Variants in CCDC30 observed in about 807,000 individuals in gnomAD.
CCDC30 encodes coiled-coil domain-containing protein 30.
A neutral mutation model predicts 100.2 loss-of-function variants in CCDC30; 70 were observed. The observed-to-expected ratio is 0.70, with a 90% confidence interval of 0.58 to 0.85. The LOEUF (loss-of-function observed/expected upper bound fraction) is 0.85, where lower values mean the gene tolerates loss of function less well. Ranked by LOEUF, CCDC30 falls within the 40% of genes least tolerant of loss-of-function variation. The probability of loss-of-function intolerance (pLI) is 0.00; values close to 1 mark genes in which losing one functional copy is unlikely to be tolerated. For missense variants in CCDC30, 652 were observed against 771.2 expected, an observed-to-expected ratio of 0.85 and a Z score of 1.83; for synonymous variants, 233 against 269.5, an observed-to-expected ratio of 0.86 and a Z score of 1.33.
chr1:42,587,594 G>A (rs1324339), intron 9 of CCDC30, among the ~76,000 whole-genome samples: 2,074 of 152,228 alleles, frequency 0.014, 22 homozygotes, highest in Non-Finnish European at 0.018. Flanking sequence ...GGAGAAGAAC[G>A]AGAGGTGGAG....
chr1:42,641,352 A>C (rs1403729079), intron 12 of CCDC30, among the ~76,000 whole-genome samples: 1 of 151,872 alleles, frequency 6.6e-6, no homozygotes, highest in East Asian at 1.9e-4. Flanking sequence ...TGCTGAGATT[A>C]CAGGTGTGAG....
At chr1:42,550,719 ATTTG>A (rs1645234162) in intron 6 of CCDC30, among the ~76,000 whole-genome samples, 1 of 152,196 alleles carries the variant, frequency 6.6e-6, no homozygotes, top group East Asian at 1.9e-4. Context: ...TAATTATCTT[ATTTG>A]TTTGTGTGTT....
At chr1:42,479,099 G>T (rs978295276) in intron 1 of CCDC30, among the ~76,000 whole-genome samples, 4 of 152,194 alleles carry the variant, frequency 2.6e-5, no homozygotes, top group African/African-American at 4.8e-5. Context: ...TCTTGGGCTG[G>T]ACGCGATGTT....
chr1:42,612,354 A>C (rs1646642227), intron 11 of CCDC30, among the ~76,000 whole-genome samples: 1 of 152,210 alleles, frequency 6.6e-6, no homozygotes, highest in Non-Finnish European at 1.5e-5. Context: ...AAGAATATGC[A>C]TTAGAGCCCA....
intron 11 of CCDC30, among the ~76,000 whole-genome samples, chr1:42,618,909 G>T (rs1440363857): frequency 6.6e-6 from 1 of 152,128 alleles, no homozygotes; most frequent in Non-Finnish European, 1.5e-5. Flanking sequence ...TATTCTGTTG[G>T]CCAGAACTTA....
chr1:42,545,634 T>A, intron 6 of CCDC30, 55 bp downstream of exon 9: 1 of 1,490,362 alleles, frequency 6.7e-7, no homozygotes, highest in Non-Finnish European at 9.1e-7. Flanking sequence ...TATATTTTAT[T>A]TGGCTTGATC....
intron 6 of CCDC30, among the ~76,000 whole-genome samples, chr1:42,507,412 T>C (rs1644411142): frequency 6.6e-6 from 1 of 152,224 alleles, no homozygotes; most frequent in Non-Finnish European, 1.5e-5. Context: ...CCCTTTTGAA[T>C]TTAGTTAAGG....
intron 6 of CCDC30, among the ~76,000 whole-genome samples, chr1:42,540,081 C>T (rs1644982880): frequency 6.6e-6 from 1 of 152,152 alleles, no homozygotes; most frequent in South Asian, 2.1e-4. Flanking sequence ...CTCTTTTGAC[C>T]TAGACTAAAG....
rs191469018 is a variant in CCDC30, at chr1:42,585,002, A to G, written c.1001+3488A>G. The stretch of plus-strand genomic sequence containing the variant: ...TCTTAAATGTTTGGTAGAATTCACC[A>G]TGAAATCATCTGGGCCTAGTGCTTT... On this transcript the variant is annotated intron_variant, in intron 9 of 16. Transcript: ENST00000668663. 2.0e-5 allele frequency among the ~76,000 whole-genome samples: 3 copies of G among 152,348 alleles called. No homozygotes were observed. The East Asian group carries it at 5.8e-4, about 29-fold the overall frequency.
intron 6 of CCDC30, among the ~76,000 whole-genome samples, chr1:42,511,123 C>T (rs984731643): frequency 4.6e-5 from 7 of 151,948 alleles, no homozygotes; most frequent in African/African-American, 1.5e-4. Context: ...GAGGGCATCC[C>T]CCTTACTGTT....
intron 3 of CCDC30, among the ~76,000 whole-genome samples, chr1:42,489,115 G>A (rs988138265): frequency 3.9e-5 from 6 of 152,092 alleles, no homozygotes; most frequent in Non-Finnish European, 7.4e-5. Flanking sequence ...CTTCCATAGA[G>A]GAATACATTT....
At chr1:42,468,677 C>T (rs776814405) in intron 1 of CCDC30, 9 of 152,174 alleles carry the variant, frequency 5.9e-5, no homozygotes, top group Non-Finnish European at 7.3e-5. Flanking sequence ...TGGAGCATAG[C>T]AGAGAGAGAT....
At chr1:42,651,207 C>T (rs1178032656) in intron 15 of CCDC30, among the ~76,000 whole-genome samples, 1 of 151,968 alleles carries the variant, frequency 6.6e-6, no homozygotes, top group African/African-American at 2.4e-5. Flanking sequence ...GCTCAGGGAA[C>T]AAAAACAAAC....
chr1:42,643,495 C>G (rs551306135), intron 13 of CCDC30, among the ~76,000 whole-genome samples: 12 of 152,198 alleles, frequency 7.9e-5, no homozygotes, highest in Non-Finnish European at 8.8e-5. Flanking sequence ...CCATATAAAT[C>G]ATTGCTCTTC....
chr1:42,459,356 GT>G, upstream of CCDC30: 1 of 472,642 alleles, frequency 2.1e-6, no homozygotes, highest in Middle Eastern at 5.7e-4. Context: ...TAGAGACATG[GT>G]TTTGCCATGT....
intron 6 of CCDC30, among the ~76,000 whole-genome samples, chr1:42,532,722 G>T (rs956670807): frequency 6.6e-6 from 1 of 152,146 alleles, no homozygotes; most frequent in Non-Finnish European, 1.5e-5. Context: ...ATGGCTGGTC[G>T]TTATGAGAGC....
intron 6 of CCDC30, among the ~76,000 whole-genome samples, chr1:42,539,932 A>G (rs1644980411): frequency 1.3e-5 from 2 of 151,682 alleles, no homozygotes; most frequent in Non-Finnish European, 2.9e-5. Context: ...AAAAAAAAAA[A>G]AGAAAAGGCT....
intron 4 of CCDC30, among the ~76,000 whole-genome samples, chr1:42,496,478 A>AT (rs1644234370): frequency 2.6e-5 from 4 of 151,888 alleles, no homozygotes; most frequent in African/African-American, 7.2e-5. Flanking sequence ...ATATATATAT[A>AT]AATGTCTGAA....
intron 13 of CCDC30, among the ~76,000 whole-genome samples, chr1:42,643,912 AG>A (rs1332782470): frequency 2.0e-5 from 3 of 152,184 alleles, no homozygotes; most frequent in African/African-American, 7.2e-5. Flanking sequence ...CAAGCTATGT[AG>A]CTACAATATT....
Sources: allele counts gnomAD v4.1 joint callset (sites outside exome capture counted in the v4.1 genomes callset), GRCh38; gene constraint gnomAD v4.1.1; transcripts MANE v1.5; gene names NCBI Gene and HGNC (gene_info 2026-07-23, HGNC 2026-07-21).